The following EPHA1 variants were observed in gnomAD, a reference collection of about 807,000 sequenced individuals.
EPHA1 encodes ephrin type-A receptor 1.
A neutral mutation model predicts 110.1 loss-of-function variants in EPHA1; 92 were observed. The observed-to-expected ratio is 0.84, with a 90% CI of 0.71 to 0.99. The LOEUF (loss-of-function observed/expected upper bound fraction) is 0.99. Among genes scored for constraint, EPHA1 ranks in the 50% least tolerant of loss-of-function variants. The probability of loss-of-function intolerance (pLI) is 0.00; values close to 1 mark genes in which losing one functional copy is unlikely to be tolerated. For missense variants in EPHA1, 1,204 were observed against 1,285.4 expected (o/e 0.94, Z 0.97); for synonymous variants, 500 against 516.1 (o/e 0.97, Z 0.42).
chr7:143,405,331 C>T (rs1805519002), intron 2 of EPHA1, among the ~76,000 whole-genome samples: 1 of 152,204 alleles, frequency 6.6e-6, no homozygotes, highest in South Asian at 2.1e-4. Flanking sequence ...GGGCGAGAGC[C>T]AGCTGTCCAG....
rs775403723 is a variant in EPHA1 at position 143,401,594 on chromosome 7, C to T, written c.162G>A (p.Gln54=). The T allele has an allele frequency of 6.2e-7, 1 of 1,610,772 alleles. No homozygotes were observed. Among genetic ancestry groups the T allele is most frequent in the East Asian group, 2.2e-5 (1 of 44,764 alleles). The part of the protein sequence containing the change: ...LDPPKDGWSE[Q]QQILNGTPLY... ...GGGGTGTCCCATTCAGTATCTGTTGCTGTTCACTCCACTGCAAGGAGGAAA... is the reference window on the plus strand; with the variant it reads ...GGGGTGTCCCATTCAGTATCTGTTGTTGTTCACTCCACTGCAAGGAGGAAA... The change falls in exon 3 of 18, where the codon CAG becomes CAA. Residue 54 remains glutamine, a synonymous_variant. Transcript: ENST00000275815. This position sits in a 1 kb window ranked among gnomAD's most constrained non-coding sequence, Gnocchi z 4.1.
chr7:143,392,553 C>T (rs1805118388), intron 16 of EPHA1, among the ~76,000 whole-genome samples: 1 of 150,554 alleles, frequency 6.6e-6, no homozygotes, highest in Admixed American at 6.6e-5. Context: ...TGAGCGCTCC[C>T]CCACCCCCCC....
chr7:143,405,462 T>TGTG, intron 2 of EPHA1, among the ~76,000 whole-genome samples: 1 of 148,976 alleles, frequency 6.7e-6, no homozygotes, highest in Non-Finnish European at 1.5e-5. Context: ...TGTGTGTGTG[T>TGTG]TTTGAAAAGA....
rs769853765 is a variant in EPHA1, at chr7:143,391,794, T to A, written c.2697-19A>T. ...AGTCATCCTGTGGGACATGGGCATG[T>A]CAGTCACAGCGGGTACATGGGCTGA... On this transcript the variant is annotated intron_variant, in intron 16 of 17. Transcript: ENST00000275815. The A allele has an allele frequency of 3.1e-6, 5 of 1,612,622 alleles. No individual in the cohort carries two copies. Among genetic ancestry groups the A allele is most frequent in the Non-Finnish European group, 4.2e-6 (5 of 1,179,306 alleles).
intron 1 of EPHA1, chr7:143,407,919 G>T (rs1805600780): frequency 5.8e-6 from 2 of 341,910 alleles, no homozygotes; most frequent in South Asian, 7.9e-5. Context: ...TGGGGCGCTG[G>T]GTCTTTGACC....
rs764851795 is a variant in EPHA1 at position 143,398,048 on chromosome 7, A to G, written c.1487T>C (p.Val496Ala). The change falls in exon 8 of 18, where the codon GTT becomes GCT. Residue 496 changes from valine to alanine, a missense_variant. Transcript: ENST00000275815. ...LNQDEERYQM[V>A]LEPRVLLTEL... ...TGTCAGCAAGACCCTGGGTTCTAGA[A>G]CCATCTGGTACCGTTCTTCATCCTG... is the stretch of plus-strand genomic sequence containing the variant. 1.2e-6 allele frequency: 2 copies of G among 1,614,008 alleles called. No homozygotes were observed. Among genetic ancestry groups the G allele is most frequent in the Admixed American group, 3.3e-5 (2 of 60,010 alleles).
rs1805151020 is a variant in EPHA1 at position 143,393,649 on chromosome 7, A to G, written c.2696+22T>C. The G allele has an allele frequency of 1.2e-6, 2 of 1,610,630 alleles. No individual in the cohort carries two copies. The highest frequency in any genetic ancestry group is 1.7e-6 in the Non-Finnish European group (2 of 1,178,736). ...TCCTAGCGCTGCCTCTGGGTTCCCT[A>G]GTCCTTCCCCTGCATGGTTACCTGG... On this transcript the variant is annotated intron_variant, in intron 16 of 17. Coordinates refer to ENST00000275815, the MANE Select transcript of EPHA1 (RefSeq NM_005232.5). The surrounding 1 kb of genome is among the most constrained non-coding windows in gnomAD (Gnocchi z 5.6).
At chr7:143,399,145 C>G in intron 5 of EPHA1, 113 bp downstream of exon 5, 1 of 1,424,902 alleles carries the variant, frequency 7.0e-7, no homozygotes, top group Non-Finnish European at 9.6e-7. Context: ...GTGCCTGACA[C>G]CCTGGACCAT....
Position 143,393,574 on chromosome 7 carries a change from T to C in EPHA1, c.2696+97A>G, listed in dbSNP as rs1279863520. On this transcript the variant is annotated intron_variant, in intron 16 of 17. Coordinates refer to ENST00000275815, the MANE Select transcript of EPHA1 (RefSeq NM_005232.5). This position sits in a 1 kb window ranked among gnomAD's most constrained non-coding sequence, Gnocchi z 5.6. Reference sequence around the variant, plus strand: ...TCATACACTGGACTTGGTCCAGAGCTCCCCAGGCCCAGCGCTCAAAGAAGA... The same window carrying C: ...TCATACACTGGACTTGGTCCAGAGCCCCCCAGGCCCAGCGCTCAAAGAAGA... The C allele has an allele frequency of 2.2e-6, 3 of 1,392,384 alleles. No homozygotes were observed. In the East Asian group the frequency reaches 7.5e-5, roughly 35 times the overall value. The allele number at this position is 1,392,384 out of a possible 1,614,324, so 86.3% of individuals were successfully genotyped here.
intron 2 of EPHA1, 25 bp downstream of exon 2, chr7:143,407,586 G>A (rs1273841495): frequency 1.2e-6 from 2 of 1,610,824 alleles, no homozygotes. Flanking sequence ...AGTTTTCCAA[G>A]ATCCTTCCCT....
rs1391646755 is a variant in EPHA1 at position 143,397,263 on chromosome 7, G to GCACACGCATGTGGGGA, written c.1771+25_1771+40dup. The GCACACGCATGTGGGGA allele has an allele frequency of 3.9e-6, 6 of 1,534,802 alleles. No homozygotes were observed. In the East Asian group the frequency reaches 1.5e-4, roughly 38 times the overall value. On this transcript the variant is annotated intron_variant, in intron 10 of 17. Transcript: ENST00000275815. ...CACACACACACGCACACACAGGTGT[G>GCACACGCATGTGGGGA]CACACGCATGTGGGGACACACGCAG...
Position 143,393,278 on chromosome 7 carries a change from A to G in EPHA1, c.2696+393T>C, listed in dbSNP as rs1250989104. Reference sequence around the variant, plus strand: ...GCACCAGTAGGTCCTCCAAAACTTCATGAATGGATGACCCTTTCCTTCACA... The same window carrying G: ...GCACCAGTAGGTCCTCCAAAACTTCGTGAATGGATGACCCTTTCCTTCACA... On this transcript the variant is annotated intron_variant, in intron 16 of 17. Transcript: ENST00000275815. This position sits in a 1 kb window ranked among gnomAD's most constrained non-coding sequence, Gnocchi z 5.6. Among the ~76,000 whole-genome samples, 4 of 152,126 alleles carry G rather than the reference A, an allele frequency of 2.6e-5. No homozygotes were observed. Among genetic ancestry groups the G allele is most frequent in the Non-Finnish European group, 4.4e-5 (3 of 68,030 alleles).
chr7:143,394,930 T>C lies in EPHA1; in HGVS notation c.2230A>G (p.Asn744Asp), dbSNP rs1454514009. ...GCAGCCAGGTCCCGGTGGACATAATTGTGATTACTGAGGTAGTTCATGCCA... is the reference window on the plus strand; with the variant it reads ...GCAGCCAGGTCCCGGTGGACATAATCGTGATTACTGAGGTAGTTCATGCCA... ...ASGMNYLSNH[N>D]YVHRDLAARN... is the part of the protein sequence containing the mutation. The change falls in exon 14 of 18, where the codon AAT becomes GAT. Residue 744 changes from asparagine (N) to aspartate (D), a missense_variant. Physicochemically the swap from Asn to Asp is conservative, Grantham distance 23. Coordinates refer to ENST00000275815, the MANE Select transcript of EPHA1 (RefSeq NM_005232.5). The C allele has an allele frequency of 6.2e-7, 1 of 1,614,066 alleles. No homozygotes were observed. Among genetic ancestry groups the C allele is most frequent in the South Asian group, 1.1e-5 (1 of 91,078 alleles).
rs1805215383 is a variant in EPHA1, at chr7:143,395,377, A to G, written c.2025T>C (p.Thr675=). ...GCGGGTGGCTAAACTGGCCCATGAT[A>G]GTTGCCTCTCGAAGGAAGTTCCACC... ...GQWWNFLREA[T]IMGQFSHPHI... is the part of the protein sequence containing the mutation. The change falls in exon 12 of 18, where the codon ACT becomes ACC. Residue 675 remains threonine, a synonymous_variant. Transcript: ENST00000275815. The surrounding 1 kb of genome is among the most constrained non-coding windows in gnomAD (Gnocchi z 4.7). 2 of 1,614,044 alleles carry G rather than the reference A, an allele frequency of 1.2e-6. No individual in the cohort carries two copies. The highest frequency in any genetic ancestry group is 1.3e-5 in the African/African-American group (1 of 74,912).
intron 2 of EPHA1, among the ~76,000 whole-genome samples, chr7:143,405,007 T>G (rs1240929148): frequency 6.6e-6 from 1 of 151,696 alleles, no homozygotes; most frequent in Non-Finnish European, 1.5e-5. Context: ...AATCAAAAAT[T>G]TGGGGTGAGG....
In EPHA1 at chr7:143,397,569, G is replaced by A. The variant is rs1016338802; in HGVS notation, c.1704C>T (p.Phe568=). The A allele has an allele frequency of 1.5e-5, 24 of 1,614,012 alleles. No individual in the cohort carries two copies. The highest frequency in any genetic ancestry group is 2.0e-5 in the Non-Finnish European group (24 of 1,180,018). ...GGGGCAGGAGCTGGCACCTGGACCG[G>A]AAAACGAGAATCCCAAGCAGCAAGG... ...GAALLLGILV[F]RSRRAQRQRQ... is the part of the protein sequence containing the mutation. Residue 568 remains phenylalanine, a synonymous_variant, in exon 9 of 18, where the codon TTC becomes TTT. Coordinates refer to ENST00000275815, the MANE Select transcript of EPHA1 (RefSeq NM_005232.5).
At position 143,397,378 on chromosome 7, in the gene EPHA1, A is replaced by G; in HGVS notation, c.1713-16T>C. 6.5e-7 allele frequency: 1 copy of G among 1,549,292 alleles called. No homozygotes were observed. The stretch of plus-strand genomic sequence containing the variant: ...CTGGGCTCTCCTGTGGGGGTTGGGG[A>G]CCAGCTCCTTCAGGGCCCCAGGACC... On this transcript the variant is annotated splice_polypyrimidine_tract_variant and intron_variant, in intron 9 of 17. Coordinates refer to ENST00000275815, the MANE Select transcript of EPHA1 (RefSeq NM_005232.5).
intron 2 of EPHA1, among the ~76,000 whole-genome samples, chr7:143,402,481 C>T (rs889022583): frequency 4.6e-5 from 7 of 152,162 alleles, no homozygotes; most frequent in African/African-American, 1.7e-4. Flanking sequence ...TAACCTCCGC[C>T]ACCTAGGTTC....
At position 143,401,917 on chromosome 7, in the gene EPHA1, C is replaced by A. The variant is rs530262425; in HGVS notation, c.151-312G>T. Among the ~76,000 whole-genome samples the A allele has an allele frequency of 6.6e-6, 1 of 152,186 alleles. No individual in the cohort carries two copies. The highest frequency in any genetic ancestry group is 2.1e-4 in the South Asian group (1 of 4,824). ...CCAAGGCAAAGCTCATTTACAAAAC[C>A]CTTCTGTTTCTTCAAGAGGATATTG... On this transcript the variant is annotated intron_variant, in intron 2 of 17. Transcript: ENST00000275815. This position sits in a 1 kb window ranked among gnomAD's most constrained non-coding sequence, Gnocchi z 4.1.
Sources: allele counts gnomAD v4.1 joint callset (sites outside exome capture counted in the v4.1 genomes callset), GRCh38; gene constraint gnomAD v4.1.1; non-coding constraint Gnocchi (gnomAD v3.1); transcripts MANE v1.5; gene names NCBI Gene and HGNC (gene_info 2026-07-23, HGNC 2026-07-21).